The following DENND3 variants were observed in gnomAD, a reference collection of about 807,000 sequenced individuals.
DENND3 encodes the protein DENN domain containing 3.
DENND3 carries 88 observed loss-of-function variants against 135.1 expected under a neutral mutation model. The ratio of observed to expected loss-of-function variants is 0.65; its 90% CI spans 0.55 to 0.78. The LOEUF is 0.78. DENND3 is among the 30% of genes least tolerant of loss of function. DENND3 has a pLI of 0.00. For synonymous variants in DENND3, 693 were observed against 712.3 expected (o/e 0.97, Z 0.43); for missense variants, 1,392 against 1,688.4 (o/e 0.82, Z 3.08).
At chr8:141,171,351 G>GC (rs1821529768) in intron 13 of DENND3, among the ~76,000 whole-genome samples, 2 of 152,278 alleles carry the variant, frequency 1.3e-5, no homozygotes, top group Admixed American at 1.3e-4. Flanking sequence ...TATTAACAGT[G>GC]CAAGGCCAAT....
rs1166871067 is a variant in DENND3 at position 141,141,108 on chromosome 8, C to T, written c.502-95C>T. On this transcript the variant is annotated intron_variant, in intron 3 of 22. Transcript: ENST00000519811. The surrounding 1 kb of genome is among the most constrained non-coding windows in gnomAD (Gnocchi z 5.3). ...TGCAGGGGTGGGGATGGTGGACTCT[C>T]AGCTTGCTGTGTGCTGAAACGTGAC... 8 of 1,586,882 alleles carry T rather than the reference C, an allele frequency of 5.0e-6. No homozygotes were observed. Among genetic ancestry groups the T allele is most frequent in the Middle Eastern group, 1.7e-4 (1 of 5,968 alleles).
intron 7 of DENND3, 72 bp downstream of exon 7, chr8:141,151,909 C>T (rs181246731): frequency 1.1e-4 from 175 of 1,559,930 alleles, no homozygotes; most frequent in Admixed American, 6.1e-4. Context: ...TGGGAAGATG[C>T]GTCTGAAAGT....
rs1353007288 is a variant in DENND3, at chr8:141,139,331, A to C, written c.501+1194A>C. On this transcript the variant is annotated intron_variant, in intron 3 of 22. Coordinates refer to ENST00000519811, the MANE Select transcript of DENND3 (RefSeq NM_001352890.3). This position sits in a 1 kb window ranked among gnomAD's most constrained non-coding sequence, Gnocchi z 4.2. ...CCTGTAAGCTCATGGGGCAGCACAG[A>C]CAGGCCCGGATGTTCTTAATGAATA... 6.6e-6 allele frequency among the ~76,000 whole-genome samples: 1 copy of C among 152,230 alleles called. No homozygotes were observed. The highest frequency in any genetic ancestry group is 1.5e-5 in the Non-Finnish European group (1 of 68,042).
At chr8:141,178,289 C>T (rs1344537963) in intron 16 of DENND3, 93 bp downstream of exon 16, 29 of 1,481,576 alleles carry the variant, frequency 2.0e-5, no homozygotes, top group Middle Eastern at 1.9e-4. Flanking sequence ...CAAGTAGAAC[C>T]GAGCCCAGCT....
At chr8:141,188,790 C>T (rs763097005) in intron 18 of DENND3, 196 bp from the exon 19 acceptor site, 25 of 615,952 alleles carry the variant, frequency 4.1e-5, no homozygotes, top group Non-Finnish European at 4.9e-5. Context: ...GAACAGAGCA[C>T]GCGGAGAACA....
chr8:141,189,518 G>A (rs1824405019), intron 19 of DENND3, among the ~76,000 whole-genome samples: 2 of 152,246 alleles, frequency 1.3e-5, no homozygotes, highest in South Asian at 4.1e-4. Flanking sequence ...TTGGCCTTGG[G>A]CTGCCTGTTC....
chr8:141,176,325 T>G, intron 14 of DENND3: 2 of 425,610 alleles, frequency 4.7e-6, no homozygotes, highest in Non-Finnish European at 8.4e-6. Flanking sequence ...GAGAAGTATT[T>G]AAGGATGTGA....
intron 9 of DENND3, 113 bp from the exon 10 acceptor site, chr8:141,163,220 A>G (rs1358802056): frequency 1.7e-6 from 1 of 574,204 alleles, no homozygotes; most frequent in African/African-American, 1.9e-5. Context: ...TCTGAAGAAC[A>G]TGGCTTTTTC....
intron 20 of DENND3, 126 bp from the exon 21 acceptor site, chr8:141,192,205 G>T (rs150945669): frequency 1.5e-6 from 2 of 1,329,400 alleles, no homozygotes; most frequent in Admixed American, 4.4e-5. Flanking sequence ...TTCCTCAGGC[G>T]CCAGGTGGCA....
intron 20 of DENND3, among the ~76,000 whole-genome samples, chr8:141,191,016 C>T (rs1012751447): frequency 3.9e-5 from 6 of 152,220 alleles, no homozygotes; most frequent in South Asian, 2.1e-4. Flanking sequence ...ACATGAGTGA[C>T]GGCTGGGAAT....
chr8:141,167,574 C>T lies in DENND3; in HGVS notation c.1754-430C>T, dbSNP rs1382820545. Among the ~76,000 whole-genome samples the T allele has an allele frequency of 6.6e-6, 1 of 152,152 alleles. No individual in the cohort carries two copies. Among genetic ancestry groups the T allele is most frequent in the Non-Finnish European group, 1.5e-5 (1 of 68,012 alleles). On this transcript the variant is annotated intron_variant, in intron 12 of 22. Coordinates refer to ENST00000519811, the MANE Select transcript of DENND3 (RefSeq NM_001352890.3). This position sits in a 1 kb window ranked among gnomAD's most constrained non-coding sequence, Gnocchi z 4.1. Reference sequence around the variant, plus strand: ...CAAGTAACCCAGGCTGTGGAAGCCTCGGTTTCCGCATCTGTAGAACGGGAC... The same window carrying T: ...CAAGTAACCCAGGCTGTGGAAGCCTTGGTTTCCGCATCTGTAGAACGGGAC...
Position 141,176,620 on chromosome 8 carries a change from A to G in DENND3, c.2565A>G (p.Leu855=), listed in dbSNP as rs1034034117. ...TCAGGAGAACCACTACTACATTTCT[A>G]CTTCGGAGAATACCCACTTTAAAAA... ...EEVRRTTTTF[L]LRRIPTLKIR... The change falls in exon 15 of 23, where the codon CTA becomes CTG. Residue 855 remains leucine (L), a synonymous_variant. Coordinates refer to ENST00000519811, the MANE Select transcript of DENND3 (RefSeq NM_001352890.3). 7.4e-6 allele frequency: 12 copies of G among 1,614,206 alleles called. No homozygotes were observed. The highest frequency in any genetic ancestry group is 2.2e-5 in the East Asian group (1 of 44,888).
intron 1 of DENND3, among the ~76,000 whole-genome samples, chr8:141,133,558 C>T (rs1816413008): frequency 6.6e-6 from 1 of 152,198 alleles, no homozygotes; most frequent in African/African-American, 2.4e-5. Flanking sequence ...TGACAGAAAC[C>T]TCCAAGGCTT....
intron 5 of DENND3, among the ~76,000 whole-genome samples, chr8:141,145,065 G>A (rs1817878920): frequency 6.6e-6 from 1 of 152,220 alleles, no homozygotes; most frequent in African/African-American, 2.4e-5. Context: ...CTAGGCCTTT[G>A]CCAGATCTAG....
At chr8:141,190,153 A>G (rs1360673278) in intron 19 of DENND3, 131 bp from the exon 20 acceptor site, 1 of 1,225,926 alleles carries the variant, frequency 8.2e-7, no homozygotes, top group Non-Finnish European at 1.1e-6. Flanking sequence ...GCATGTTATT[A>G]TCATGTTTGC....
In DENND3 at chr8:141,195,602, A is replaced by C. The variant is rs1265324044; in HGVS notation, c.*1369A>C. 1 of 152,152 alleles carries C rather than the reference A, an allele frequency of 6.6e-6. No individual in the cohort carries two copies. Among genetic ancestry groups the C allele is most frequent in the African/African-American group, 2.4e-5 (1 of 41,446 alleles). The allele number at this position is 152,152 out of a possible 1,614,324, so 9.4% of individuals were successfully genotyped here. A position where few individuals can be genotyped will look rare whatever the true frequency, so the allele number is the denominator to read the frequency against. ...TGGGCAGAGAGAATTATGTGGCCTC[A>C]TCCTCCCCCAAGGCTGTGCTTGCAG... On this transcript the variant is annotated 3_prime_UTR_variant, in exon 23 of 23. Coordinates refer to ENST00000519811, the MANE Select transcript of DENND3 (RefSeq NM_001352890.3).
At position 141,182,156 on chromosome 8, in the gene DENND3, T is replaced by TA. The variant is rs1240194979; in HGVS notation, c.2944+1303dup. 6.6e-6 allele frequency among the ~76,000 whole-genome samples: 1 copy of TA among 152,168 alleles called. No individual in the cohort carries two copies. The highest frequency in any genetic ancestry group is 1.5e-5 in the Non-Finnish European group (1 of 68,032). On this transcript the variant is annotated intron_variant, in intron 17 of 22. Coordinates refer to ENST00000519811, the MANE Select transcript of DENND3 (RefSeq NM_001352890.3). This position sits in a 1 kb window ranked among gnomAD's most constrained non-coding sequence, Gnocchi z 5.9. The stretch of plus-strand genomic sequence containing the variant: ...CATCTGCGTCTGCAGGTGTCAGCCG[T>TA]AGGTGTCAGGGATGCAGATGTAGGT...
rs1247310836 is a variant in DENND3, at chr8:141,187,725, T to G, written c.3085-1261T>G. Among the ~76,000 whole-genome samples, 3 of 152,096 alleles carry G rather than the reference T, an allele frequency of 2.0e-5. No individual in the cohort carries two copies. In the East Asian group the frequency reaches 5.8e-4, roughly 29 times the overall value. On this transcript the variant is annotated intron_variant, in intron 18 of 22. Transcript: ENST00000519811. ...AGGTAATAAGAGCCTGCTAAATCAT[T>G]TCCCCCCATATTCAAATCATGAGCC...
chr8:141,154,957 G>T lies in DENND3; in HGVS notation c.1075-892G>T, dbSNP rs1452771584. On this transcript the variant is annotated intron_variant, in intron 7 of 22. Coordinates refer to ENST00000519811, the MANE Select transcript of DENND3 (RefSeq NM_001352890.3). The surrounding 1 kb of genome is among the most constrained non-coding windows in gnomAD (Gnocchi z 4.4). ...CTATTCAGGCTGAAGAAGCAAGGAT[G>T]TTCTGACACATGCCTCAGATGGGTG... Among the ~76,000 whole-genome samples the T allele has an allele frequency of 6.6e-6, 1 of 152,220 alleles. No individual in the cohort carries two copies. The highest frequency in any genetic ancestry group is 1.5e-5 in the Non-Finnish European group (1 of 68,042).
Sources: gnomAD v4.1 joint callset for allele counts (sites outside exome capture counted in the v4.1 genomes callset) on GRCh38, gnomAD v4.1.1 for gene constraint, Gnocchi (gnomAD v3.1) non-coding constraint, MANE v1.5 for transcripts, NCBI Gene and HGNC (gene_info 2026-07-23, HGNC 2026-07-21) for gene names.